Variants in PPP1R13L observed in about 807,000 individuals in gnomAD.
The protein encoded by PPP1R13L is protein phosphatase 1 regulatory subunit 13 like, also known as relA-associated inhibitor.
PPP1R13L carries 50 observed loss-of-function variants against 80.9 expected under a neutral mutation model. That is an observed-to-expected ratio of 0.62 (90% CI 0.49 to 0.78). The LOEUF is 0.78. Ranked by LOEUF, PPP1R13L falls within the 30% of genes least tolerant of loss-of-function variation. The pLI, the probability that PPP1R13L is intolerant of heterozygous loss-of-function variation, is 0.00. For synonymous variants in PPP1R13L, 602 were observed against 534.3 expected (o/e 1.13, Z -1.75); for missense variants, 1,200 against 1,205.9 (o/e 1.00, Z 0.07).
chr19:45,395,420 C>A lies in PPP1R13L; in HGVS notation c.1354+16G>T. 6.4e-7 allele frequency: 1 copy of A among 1,564,520 alleles called. No homozygotes were observed. The highest frequency in any genetic ancestry group is 8.6e-7 in the Non-Finnish European group (1 of 1,161,862). On this transcript the variant is annotated intron_variant, in intron 7 of 12. Transcript: ENST00000360957. ...TCCCTTCACCCAGTCCTCTAGGGCC[C>A]TCATTGCTGACTCACCTTCGTTCAC...
At chr19:45,389,298 T>TG (rs111570775) in intron 8 of PPP1R13L, among the ~76,000 whole-genome samples, 29 of 152,210 alleles carry the variant, frequency 1.9e-4, no homozygotes, top group South Asian at 6.2e-4. Flanking sequence ...ATAGGCATTT[T>TG]GGGGGGGTCC....
Position 45,396,063 on chromosome 19 carries a change from G to A in PPP1R13L, c.903+105C>T, listed in dbSNP as rs1007064979. 24 of 1,379,724 alleles carry A rather than the reference G, an allele frequency of 1.7e-5. No homozygotes were observed. Among genetic ancestry groups the A allele is most frequent in the Admixed American group, 6.4e-5 (3 of 46,842 alleles). The allele number at this position is 1,379,724 out of a possible 1,614,324, so 85.5% of individuals were successfully genotyped here. ...AAGGGAGAGCGTGGGAACGGGCGCC[G>A]AGACCCAGATCGCAGCCCCGAGGGG... On this transcript the variant is annotated intron_variant, in intron 6 of 12. Coordinates refer to ENST00000360957, the MANE Select transcript of PPP1R13L (RefSeq NM_006663.4). This position sits in a 1 kb window ranked among gnomAD's most constrained non-coding sequence, Gnocchi z 5.3.
chr19:45,392,489 G>C, intron 7 of PPP1R13L, 149 bp from the exon 8 acceptor site: 1 of 820,510 alleles, frequency 1.2e-6, no homozygotes, highest in Non-Finnish European at 2.0e-6. Flanking sequence ...ACTTTCCTTG[G>C]GCTGTGAATA....
At position 45,398,281 on chromosome 19, in the gene PPP1R13L, A is replaced by G; in HGVS notation, c.38T>C (p.Leu13Pro). 6.2e-7 allele frequency: 1 copy of G among 1,613,908 alleles called. No individual in the cohort carries two copies. The highest frequency in any genetic ancestry group is 8.5e-7 in the Non-Finnish European group (1 of 1,179,940). ...CAGCTTACACTGGAAGTTCATGTCC[A>G]GAAAGTCCCGCGCGCTCTGGAATGC... is the stretch of plus-strand genomic sequence containing the variant. ...SEAFQSARDF[L>P]DMNFQSLAMK... Residue 13 changes from leucine to proline, a missense_variant, in exon 2 of 13, where the codon CTG (leucine) becomes CCG (proline). By Grantham distance (98) the Leu-to-Pro change is moderately conservative. This residue lies in a region of PPP1R13L where 764 missense variants were observed against 714.5 expected (regional missense o/e 1.07). Coordinates refer to ENST00000360957, the MANE Select transcript of PPP1R13L (RefSeq NM_006663.4).
chr19:45,402,763 G>A (rs565592706), intron 1 of PPP1R13L, among the ~76,000 whole-genome samples: 87 of 152,322 alleles, frequency 5.7e-4, no homozygotes, highest in Non-Finnish European at 1.1e-3. Flanking sequence ...TGGGCCAGCC[G>A]CAGGTACTCT....
intron 1 of PPP1R13L, among the ~76,000 whole-genome samples, chr19:45,399,040 T>C (rs374423594): frequency 2.6e-5 from 4 of 151,800 alleles, no homozygotes; most frequent in South Asian, 4.2e-4. Context: ...GCCTCCAGGG[T>C]TCATGCCAGT....
intron 8 of PPP1R13L, among the ~76,000 whole-genome samples, chr19:45,388,030 G>C (rs531672489): frequency 6.6e-6 from 1 of 152,116 alleles, no homozygotes; most frequent in East Asian, 1.9e-4. Context: ...TTAGGTGGCC[G>C]TGGTGGTGCA....
intron 1 of PPP1R13L, among the ~76,000 whole-genome samples, chr19:45,400,800 G>A (rs1351687045): frequency 1.9e-5 from 1 of 52,946 alleles, no homozygotes. Context: ...TTTTTGAGAC[G>A]GAGTCTTGCT....
rs755703953 is a variant in PPP1R13L at position 45,380,234 on chromosome 19, G to C, written c.2449-6C>G. The C allele has an allele frequency of 6.2e-7, 1 of 1,614,004 alleles. No homozygotes were observed. Among genetic ancestry groups the C allele is most frequent in the Non-Finnish European group, 8.5e-7 (1 of 1,179,984 alleles). On this transcript the variant is annotated splice_polypyrimidine_tract_variant and splice_region_variant and intron_variant, in intron 12 of 12. Coordinates refer to ENST00000360957, the MANE Select transcript of PPP1R13L (RefSeq NM_006663.4). ...GGCTTCACCCTGGGGAACAGCTGGG[G>C]AGAGACAGGATCTTCAGACATCAGG...
chr19:45,397,054 G>A lies in PPP1R13L; in HGVS notation c.203C>T (p.Pro68Leu). ...GPQAGPPSRP[P>L]RYSSSSIPEP... ...AGGGATCGAGCTGGAGCTGTACCGG[G>A]GCGGCTGTGGGGAGGCCAGGGCATT... The change falls in exon 4 of 13, where the codon CCC becomes CTC. Residue 68 changes from proline (P) to leucine (L), a missense_variant. Coordinates refer to ENST00000360957, the MANE Select transcript of PPP1R13L (RefSeq NM_006663.4). 1 of 1,315,956 alleles carries A rather than the reference G, an allele frequency of 7.6e-7. No individual in the cohort carries two copies. Among genetic ancestry groups the A allele is most frequent in the Non-Finnish European group, 9.7e-7 (1 of 1,033,498 alleles). The allele number at this position is 1,315,956 out of a possible 1,614,324, so 81.5% of individuals were successfully genotyped here.
intron 11 of PPP1R13L, among the ~76,000 whole-genome samples, chr19:45,384,242 C>T (rs1568553684): frequency 2.6e-5 from 4 of 151,444 alleles, no homozygotes; most frequent in African/African-American, 4.9e-5. Context: ...TTTTGTAGGC[C>T]GGGCACAGTG....
Position 45,398,289 on chromosome 19 carries a change from C to CCG in PPP1R13L, c.28_29dup (p.Asp11GlyfsTer6). On this transcript the variant is annotated frameshift_variant, in exon 2 of 13. Coordinates refer to ENST00000360957, the MANE Select transcript of PPP1R13L (RefSeq NM_006663.4). LOFTEE classifies it high-confidence loss of function. ...ACTGGAAGTTCATGTCCAGAAAGTC[C>CCG]CGCGCGCTCTGGAATGCCTCGCTGT... The CCG allele has an allele frequency of 6.2e-7, 1 of 1,613,952 alleles. No individual in the cohort carries two copies. Among genetic ancestry groups the CCG allele is most frequent in the Non-Finnish European group, 8.5e-7 (1 of 1,179,948 alleles).
At chr19:45,382,156 G>A (rs538488419) in intron 12 of PPP1R13L, among the ~76,000 whole-genome samples, 17 of 151,274 alleles carry the variant, frequency 1.1e-4, no homozygotes, top group Non-Finnish European at 1.8e-4. Flanking sequence ...GAGCCCGGGT[G>A]GGGGGGGCCC....
intron 11 of PPP1R13L, among the ~76,000 whole-genome samples, chr19:45,383,413 G>A (rs1484206945): frequency 1.4e-5 from 2 of 146,166 alleles, no homozygotes; most frequent in East Asian, 4.2e-4. Flanking sequence ...TCCTGCCTCA[G>A]CCTTCCAAGT....
chr19:45,387,905 GT>G (rs1220611483), intron 8 of PPP1R13L, among the ~76,000 whole-genome samples: 1 of 152,072 alleles, frequency 6.6e-6, no homozygotes, highest in Non-Finnish European at 1.5e-5. Context: ...TGGCTCATGT[GT>G]GTAATCTCAG....
In PPP1R13L at chr19:45,405,045, TCCGGCTTGG is replaced by T. The variant is rs1973304744; in HGVS notation, c.-77_-69del. On this transcript the variant is annotated 5_prime_UTR_variant, in exon 1 of 13. Transcript: ENST00000360957. Reference sequence around the variant, plus strand: ...CCTGGGGGCTTCCTCCAGCTCGGGCTCCGGCTTGGGGAGCGGAGAACGGGGCGGGGCAGG... The same window carrying T: ...CCTGGGGGCTTCCTCCAGCTCGGGCTGGAGCGGAGAACGGGGCGGGGCAGG... The T allele has an allele frequency of 1.0e-6, 1 of 985,654 alleles. No homozygotes were observed. The highest frequency in any genetic ancestry group is 1.7e-5 in the African/African-American group (1 of 57,144). The allele number at this position is 985,654 out of a possible 1,614,324, so 61.1% of individuals were successfully genotyped here. A position where few individuals can be genotyped will look rare whatever the true frequency, so the allele number is the denominator to read the frequency against.
upstream of PPP1R13L, chr19:45,406,163 C>G (rs761372652): frequency 2.7e-5 from 12 of 451,192 alleles, no homozygotes; most frequent in African/African-American, 4.3e-5. This position sits in a 1 kb window ranked among gnomAD's most constrained non-coding sequence, Gnocchi z 4.2. Context: ...TTCACGCCCT[C>G]CGGACGGATT....
chr19:45,397,028 C>G lies in PPP1R13L; in HGVS notation c.229G>C (p.Glu77Gln). The change falls in exon 4 of 13, where the codon GAG becomes CAG. Residue 77 changes from glutamate (E) to glutamine (Q), a missense_variant. Physicochemically the swap from Glu to Gln is conservative, Grantham distance 29 (BLOSUM62 2). This residue lies in a region of PPP1R13L where 764 missense variants were observed against 714.5 expected (regional missense o/e 1.07). Transcript: ENST00000360957. ...PPRYSSSSIP[E>Q]PFGSRGSPRK... ...GGGGACCCTCGGCTGCCGAAGGGCT[C>G]AGGGATCGAGCTGGAGCTGTACCGG... is the stretch of plus-strand genomic sequence containing the variant. The G allele has an allele frequency of 7.3e-7, 1 of 1,360,554 alleles. No individual in the cohort carries two copies. Among genetic ancestry groups the G allele is most frequent in the Non-Finnish European group, 9.4e-7 (1 of 1,058,976 alleles). 84.3% of individuals were successfully genotyped at this position (1,360,554 alleles called of 1,614,324 possible). A position where few individuals can be genotyped will look rare whatever the true frequency, so the allele number is the denominator to read the frequency against.
At chr19:45,398,800 C>G (rs1412867164) in intron 1 of PPP1R13L, among the ~76,000 whole-genome samples, 1 of 147,242 alleles carries the variant, frequency 6.8e-6, no homozygotes, top group African/African-American at 2.5e-5. Context: ...CCGGCCGTGT[C>G]CATCTCTTTA....
Sources: gnomAD v4.1 joint callset for allele counts (sites outside exome capture counted in the v4.1 genomes callset) on GRCh38, gnomAD v4.1.1 for gene constraint, gnomAD v4.1.1 regional missense constraint, Gnocchi (gnomAD v3.1) non-coding constraint, MANE v1.5 for transcripts, NCBI Gene and HGNC (gene_info 2026-07-23, HGNC 2026-07-21) for gene names.